FOXO3: variants seen among roughly 807,000 people sequenced by gnomAD.
The protein encoded by FOXO3 is forkhead box protein O3.
In FOXO3, 4 loss-of-function variants were observed where a neutral mutation model predicts 41.9. That is an observed-to-expected ratio of 0.10 (90% CI 0.05 to 0.22). The LOEUF (loss-of-function observed/expected upper bound fraction) is 0.22, where lower values mean the gene tolerates loss of function less well. FOXO3 is among the 10% of genes least tolerant of loss of function. The pLI, the probability that FOXO3 is intolerant of heterozygous loss-of-function variation, is 1.00. For missense variants in FOXO3, 534 were observed against 906.8 expected (o/e 0.59, Z 5.28); for synonymous variants, 318 against 389.3 (o/e 0.82, Z 2.16).
chr6:108,646,053 T>C (rs1318294224), intron 1 of FOXO3, among the ~76,000 whole-genome samples: 1 of 152,184 alleles, frequency 6.6e-6, no homozygotes, highest in Non-Finnish European at 1.5e-5. Context: ...AAGTGATTGA[T>C]GCTCAGACTC....
intron 2 of FOXO3, among the ~76,000 whole-genome samples, chr6:108,665,852 A>C (rs1779042910): frequency 6.6e-6 from 1 of 151,306 alleles, no homozygotes. Flanking sequence ...ATTTGAAAAC[A>C]CAGGTGTTTG....
intron 1 of FOXO3, among the ~76,000 whole-genome samples, chr6:108,662,197 C>T (rs1778886356): frequency 6.6e-6 from 1 of 152,044 alleles, no homozygotes; most frequent in African/African-American, 2.4e-5. Context: ...TGAAATGTGT[C>T]TGATGTCTTT....
chr6:108,669,826 C>T (rs1166131193), intron 2 of FOXO3, among the ~76,000 whole-genome samples: 5 of 152,270 alleles, frequency 3.3e-5, no homozygotes, highest in African/African-American at 1.2e-4. Context: ...CTCTGGCCAG[C>T]CTGCTAAGCA....
At position 108,640,093 on chromosome 6, in the gene FOXO3, G is replaced by T. The variant is rs1054736121; in HGVS notation, c.622-23362G>T. 8.0e-4 allele frequency among the ~76,000 whole-genome samples: 122 copies of T among 152,304 alleles called. 1 individual carries two copies. Among genetic ancestry groups the T allele is most frequent in the South Asian group, 2.1e-4 (1 of 4,826 alleles). Reference sequence around the variant, plus strand: ...AGGACCACAGCAGTGGTCCAAACAGGGTGGAGCCAGTCTTGCTGCAGGTAG... The same window carrying T: ...AGGACCACAGCAGTGGTCCAAACAGTGTGGAGCCAGTCTTGCTGCAGGTAG... On this transcript the variant is annotated intron_variant, in intron 1 of 2. Transcript: ENST00000406360.
intron 2 of FOXO3, among the ~76,000 whole-genome samples, chr6:108,679,507 A>G (rs1338635027): frequency 6.6e-6 from 1 of 152,056 alleles, no homozygotes; most frequent in East Asian, 1.9e-4. Flanking sequence ...TTGAACATCT[A>G]ACTAAAAAGG....
chr6:108,653,607 A>G (rs1187670046), intron 1 of FOXO3, among the ~76,000 whole-genome samples: 3 of 152,006 alleles, frequency 2.0e-5, no homozygotes, highest in Admixed American at 6.5e-5. Flanking sequence ...GGCCCTCTCC[A>G]TGTTCCCCAG....
Position 108,684,677 on chromosome 6 carries a change from T to G in FOXO3, c.*4885T>G, listed in dbSNP as rs1425313636. The G allele has an allele frequency of 6.5e-6, 1 of 152,676 alleles. No homozygotes were observed. The highest frequency in any genetic ancestry group is 1.5e-5 in the Non-Finnish European group (1 of 68,056). The allele number at this position is 152,676 out of a possible 1,614,324, so 9.5% of individuals were successfully genotyped here. On this transcript the variant is annotated 3_prime_UTR_variant, in exon 3 of 3. Transcript: ENST00000406360. ...GCAGTACTTAACTTTCCTTGGTGTT[T>G]GTAGATATTGCCTTGTGTATTCCAC...
At chr6:108,649,692 A>G (rs558082134) in intron 1 of FOXO3, among the ~76,000 whole-genome samples, 2 of 151,490 alleles carry the variant, frequency 1.3e-5, no homozygotes. Flanking sequence ...CCTGGCCCCT[A>G]CTTCCCTTTC....
At chr6:108,675,390 C>T (rs924972844) in intron 2 of FOXO3, among the ~76,000 whole-genome samples, 3 of 152,170 alleles carry the variant, frequency 2.0e-5, no homozygotes, top group African/African-American at 7.2e-5. Flanking sequence ...TCTGGAGGAC[C>T]TTGTCACCAG....
At chr6:108,618,863 C>T (rs1468364017) in intron 1 of FOXO3, among the ~76,000 whole-genome samples, 4 of 152,202 alleles carry the variant, frequency 2.6e-5, no homozygotes, top group African/African-American at 9.7e-5. Context: ...GTTTTGGCCT[C>T]CTTGAATGTG....
intron 1 of FOXO3, among the ~76,000 whole-genome samples, chr6:108,618,443 G>A (rs1777575935): frequency 6.6e-6 from 1 of 152,192 alleles, no homozygotes; most frequent in Non-Finnish European, 1.5e-5. Context: ...AGATTTTGTT[G>A]TATTCTTTTC....
At chr6:108,638,750 G>A (rs1778179849) in intron 1 of FOXO3, among the ~76,000 whole-genome samples, 1 of 152,168 alleles carries the variant, frequency 6.6e-6, no homozygotes, top group Non-Finnish European at 1.5e-5. Context: ...TTCGTATTGT[G>A]TAGTTAGGAC....
At chr6:108,626,773 C>T (rs1449494478) in intron 1 of FOXO3, among the ~76,000 whole-genome samples, 3 of 152,318 alleles carry the variant, frequency 2.0e-5, no homozygotes, top group Middle Eastern at 3.4e-3. Flanking sequence ...TTTATATCCA[C>T]TGTAAACTTG....
intron 2 of FOXO3, among the ~76,000 whole-genome samples, chr6:108,668,314 G>A (rs1448122305): frequency 6.6e-6 from 1 of 152,178 alleles, no homozygotes; most frequent in East Asian, 1.9e-4. Context: ...TAGACCACGT[G>A]TAGAATTCTT....
In FOXO3 at chr6:108,640,504, T is replaced by C. The variant is rs554025855; in HGVS notation, c.622-22951T>C. On this transcript the variant is annotated intron_variant, in intron 1 of 2. Transcript: ENST00000406360. ...AATAAATTCACAAAGATCTACATCA[T>C]CATTGACAAAAATGTGAGCATTTCA... is the stretch of plus-strand genomic sequence containing the variant. Among the ~76,000 whole-genome samples the C allele has an allele frequency of 3.9e-5, 6 of 152,350 alleles. No homozygotes were observed. In the East Asian group the frequency reaches 1.2e-3, roughly 29 times the overall value.
chr6:108,583,281 G>A (rs1776481156), intron 1 of FOXO3, among the ~76,000 whole-genome samples: 1 of 152,148 alleles, frequency 6.6e-6, no homozygotes, highest in Non-Finnish European at 1.5e-5. Flanking sequence ...GGTAGCTATG[G>A]GAGACAACAG....
chr6:108,669,369 G>C (rs554678721), intron 2 of FOXO3, among the ~76,000 whole-genome samples: 1 of 152,186 alleles, frequency 6.6e-6, no homozygotes, highest in South Asian at 2.1e-4. Context: ...TTTATGTTGG[G>C]GATAGGACTA....
intron 1 of FOXO3, among the ~76,000 whole-genome samples, chr6:108,614,333 C>T (rs1438757550): frequency 2.6e-5 from 4 of 152,094 alleles, no homozygotes; most frequent in Non-Finnish European, 5.9e-5. Context: ...GATTTTGCTT[C>T]ATGTTTTTAA....
chr6:108,664,958 T>C (rs1779005909), intron 2 of FOXO3, 69 bp downstream of exon 2: 14 of 1,445,674 alleles, frequency 9.7e-6, no homozygotes, highest in Non-Finnish European at 1.9e-6. Flanking sequence ...GGGGAGCCTG[T>C]CTTCTCTTTA....
Sources: gnomAD v4.1 joint callset for allele counts (sites outside exome capture counted in the v4.1 genomes callset) on GRCh38, gnomAD v4.1.1 for gene constraint, MANE v1.5 for transcripts, NCBI Gene and HGNC (gene_info 2026-07-23, HGNC 2026-07-21) for gene names.